Variants in SLC14A2 observed in about 807,000 individuals in gnomAD.
The protein encoded by SLC14A2 is solute carrier family 14 member 2.
SLC14A2 carries 91 observed loss-of-function variants against 104.6 expected under a neutral mutation model. The ratio of observed to expected loss-of-function variants is 0.87; its 90% CI spans 0.73 to 1.04. The LOEUF is 1.04. Among genes scored for constraint, SLC14A2 ranks in the 50% least tolerant of loss-of-function variants. The probability of loss-of-function intolerance (pLI) is 0.00; values close to 1 mark genes in which losing one functional copy is unlikely to be tolerated. For missense variants in SLC14A2, 1,189 were observed against 1,156.0 expected, an observed-to-expected ratio of 1.03 and a Z score of -0.41; for synonymous variants, 476 against 466.4, an observed-to-expected ratio of 1.02 and a Z score of -0.27.
intron 1 of SLC14A2, among the ~76,000 whole-genome samples, chr18:45,251,069 G>T (rs938633318): frequency 6.6e-6 from 1 of 152,134 alleles, no homozygotes; most frequent in Admixed American, 6.5e-5. Context: ...AACAGTTAAA[G>T]TATTTGGTTA....
At chr18:45,608,344 A>G (rs554402655) in intron 2 of SLC14A2, among the ~76,000 whole-genome samples, 1 of 152,332 alleles carries the variant, frequency 6.6e-6, no homozygotes, top group Admixed American at 6.5e-5. Context: ...GATACCCACT[A>G]TATACAGTAC....
chr18:45,505,516 T>C (rs2043268610), intron 2 of SLC14A2, among the ~76,000 whole-genome samples: 1 of 152,180 alleles, frequency 6.6e-6, no homozygotes. Flanking sequence ...ACAATCACTC[T>C]TTCACAACTT....
chr18:45,635,286 G>T (rs1188830525), intron 5 of SLC14A2, among the ~76,000 whole-genome samples: 1 of 152,168 alleles, frequency 6.6e-6, no homozygotes, highest in African/African-American at 2.4e-5. Context: ...TGGTACTAAA[G>T]GCTATCACCC....
intron 1 of SLC14A2, among the ~76,000 whole-genome samples, chr18:45,271,704 T>C (rs948399664): frequency 6.6e-6 from 1 of 152,200 alleles, no homozygotes; most frequent in South Asian, 2.1e-4. Flanking sequence ...GAATCAATAT[T>C]GTTAAAATGT....
chr18:45,357,308 T>A (rs531747439), intron 1 of SLC14A2, among the ~76,000 whole-genome samples: 5 of 137,392 alleles, frequency 3.6e-5, no homozygotes, highest in Admixed American at 2.4e-4. Context: ...GAGGGGGAAA[T>A]ACGGTGGAAT....
intron 15 of SLC14A2, 104 bp from the exon 16 acceptor site, chr18:45,669,202 G>A: frequency 3.3e-6 from 3 of 901,786 alleles, no homozygotes; most frequent in Non-Finnish European, 5.1e-6. Context: ...ATACCCAGCA[G>A]GCTGCTTTTC....
chr18:45,385,222 A>G (rs2085882015), intron 1 of SLC14A2, among the ~76,000 whole-genome samples: 2 of 152,150 alleles, frequency 1.3e-5, no homozygotes, highest in African/African-American at 2.4e-5. Context: ...AGTACACACC[A>G]CTTCCAGGTG....
intron 2 of SLC14A2, among the ~76,000 whole-genome samples, chr18:45,502,680 C>T (rs2043216915): frequency 6.6e-6 from 1 of 152,176 alleles, no homozygotes; most frequent in Non-Finnish European, 1.5e-5. Context: ...TAAGATTATG[C>T]TCCAAGAAAC....
intron 1 of SLC14A2, among the ~76,000 whole-genome samples, chr18:45,618,522 A>T (rs2045109015): frequency 1.3e-5 from 2 of 151,860 alleles, no homozygotes; most frequent in Non-Finnish European, 2.9e-5. Context: ...TACAAAAATT[A>T]GCCAGGCGTG....
chr18:45,666,210 CG>C lies in SLC14A2; in HGVS notation c.1549del (p.Glu517SerfsTer14). 1 of 1,611,266 alleles carries C rather than the reference CG, an allele frequency of 6.2e-7. No homozygotes were observed. Among genetic ancestry groups the C allele is most frequent in the Non-Finnish European group, 8.5e-7 (1 of 1,177,406 alleles). On this transcript the variant is annotated frameshift_variant, in exon 12 of 20. Coordinates refer to ENST00000255226, the MANE Select transcript of SLC14A2 (RefSeq NM_007163.4). LOFTEE classifies it high-confidence loss of function. ...FPYRYRKPTV[E>X]LLDLDTMEES... Reference sequence around the variant, plus strand: ...CCTATCGATACCGGAAGCCCACAGTCGAGCTGCTTGTGAGTACTGAGTGTCC... The same window carrying C: ...CCTATCGATACCGGAAGCCCACAGTCAGCTGCTTGTGAGTACTGAGTGTCC...
At chr18:45,631,671 G>A (rs959154281) in intron 4 of SLC14A2, among the ~76,000 whole-genome samples, 5 of 152,214 alleles carry the variant, frequency 3.3e-5, no homozygotes, top group Non-Finnish European at 7.3e-5. Context: ...GGCTGGACTG[G>A]AGGGCAATGG....
intron 1 of SLC14A2, among the ~76,000 whole-genome samples, chr18:45,232,162 G>A (rs13381225): frequency 0.17 from 25,463 of 152,164 alleles, 2,176 homozygotes; most frequent in Middle Eastern, 0.19. Flanking sequence ...TTTATGAGAA[G>A]AGAGGTTTAA....
intron 1 of SLC14A2, among the ~76,000 whole-genome samples, chr18:45,437,405 G>A (rs1157054087): frequency 1.3e-5 from 2 of 152,160 alleles, no homozygotes; most frequent in Admixed American, 1.3e-4. Context: ...AAGTTAAGCT[G>A]TTTTCTCTGC....
intron 2 of SLC14A2, among the ~76,000 whole-genome samples, chr18:45,595,476 T>C (rs1011041745): frequency 6.6e-6 from 1 of 151,996 alleles, no homozygotes; most frequent in Non-Finnish European, 1.5e-5. Context: ...ACCCCACACT[T>C]TTGCCACTGC....
At chr18:45,408,693 C>T (rs1330642974) in intron 1 of SLC14A2, among the ~76,000 whole-genome samples, 1 of 152,058 alleles carries the variant, frequency 6.6e-6, no homozygotes, top group Non-Finnish European at 1.5e-5. Context: ...GAGAGGATTT[C>T]CCCACACCAT....
At chr18:45,311,402 G>A (rs2085077605) in intron 1 of SLC14A2, among the ~76,000 whole-genome samples, 1 of 152,120 alleles carries the variant, frequency 6.6e-6, no homozygotes, top group East Asian at 1.9e-4. Flanking sequence ...TATAGAGGAG[G>A]GAACTGAGCA....
intron 2 of SLC14A2, among the ~76,000 whole-genome samples, chr18:45,519,162 T>G (rs1297955975): frequency 6.6e-6 from 1 of 151,870 alleles, no homozygotes; most frequent in Non-Finnish European, 1.5e-5. Flanking sequence ...ACTAAGAAAA[T>G]AAAATAAAAA....
chr18:45,254,922 G>GC lies in SLC14A2; in HGVS notation c.-125+41734dup, dbSNP rs1234139051. Among the ~76,000 whole-genome samples, 4 of 152,172 alleles carry GC rather than the reference G, an allele frequency of 2.6e-5. No homozygotes were observed. In the East Asian group the frequency reaches 7.8e-4, roughly 30 times the overall value. ...TTCCCTGGGGCAGGCCTGGGCAGCC[G>GC]CCCACATTTACTCCGATTGATTCCA... On this transcript the variant is annotated intron_variant, in intron 1 of 20. Coordinates refer to the SLC14A2 transcript ENST00000586448.
chr18:45,324,005 G>C (rs189894893), intron 1 of SLC14A2, among the ~76,000 whole-genome samples: 13 of 152,332 alleles, frequency 8.5e-5, no homozygotes, highest in African/African-American at 2.9e-4. Flanking sequence ...AGGCAAAAGA[G>C]AAAATGTGAA....
Sources: allele counts gnomAD v4.1 joint callset (sites outside exome capture counted in the v4.1 genomes callset), GRCh38; gene constraint gnomAD v4.1.1; transcripts MANE v1.5; gene names NCBI Gene and HGNC (gene_info 2026-07-23, HGNC 2026-07-21).